NRIP1: variants seen among roughly 807,000 people sequenced by gnomAD.
NRIP1 encodes the protein nuclear receptor-interacting protein 1.
A neutral mutation model predicts 75.0 loss-of-function variants in NRIP1; 28 were observed. That is an observed-to-expected ratio of 0.37 (90% CI 0.28 to 0.51). NRIP1 has a LOEUF of 0.51. NRIP1 is among the 20% of genes least tolerant of loss of function. The pLI is 0.92. For missense variants in NRIP1, 1,435 were observed against 1,343.7 expected, an observed-to-expected ratio of 1.07 and a Z score of -1.06; for synonymous variants, 526 against 487.6, an observed-to-expected ratio of 1.08 and a Z score of -1.04.
At chr21:15,001,532 C>T (rs960619359) in intron 3 of NRIP1, among the ~76,000 whole-genome samples, 9 of 152,112 alleles carry the variant, frequency 5.9e-5, no homozygotes, top group African/African-American at 2.2e-4. Flanking sequence ...TTGTACACTA[C>T]AAGTCTCTAT....
rs1184432344 is a variant in NRIP1 at position 15,019,411 on chromosome 21, ATAAT to A, written c.-457-4949_-457-4946del. Among the ~76,000 whole-genome samples, 4 of 149,254 alleles carry A rather than the reference ATAAT, an allele frequency of 2.7e-5. No homozygotes were observed. In the South Asian group the frequency reaches 6.3e-4, roughly 23 times the overall value. ...CTAAGGACTCTACAAGAAACCCAAA[ATAAT>A]TAATAAAAAAAAGTTCAGAAAGGTT... On this transcript the variant is annotated intron_variant, in intron 2 of 3. Coordinates refer to ENST00000318948, the MANE Select transcript of NRIP1 (RefSeq NM_003489.4).
At chr21:15,024,888 A>G (rs1187828667) in intron 2 of NRIP1, among the ~76,000 whole-genome samples, 1 of 152,372 alleles carries the variant, frequency 6.6e-6, no homozygotes, top group South Asian at 2.1e-4. Flanking sequence ...GAAAGAATAC[A>G]CTAATGGTGA....
chr21:15,024,706 T>C (rs1437998405), intron 2 of NRIP1, among the ~76,000 whole-genome samples: 3 of 151,966 alleles, frequency 2.0e-5, no homozygotes, highest in African/African-American at 7.3e-5. Context: ...TTGGTGTCAC[T>C]GTGGAGTGGA....
intron 1 of NRIP1, among the ~76,000 whole-genome samples, chr21:15,047,474 A>G (rs1203609811): frequency 6.6e-6 from 1 of 152,220 alleles, no homozygotes. Flanking sequence ...CAGGAGGCGG[A>G]GCTTGCAGTG....
intron 2 of NRIP1, among the ~76,000 whole-genome samples, chr21:15,040,903 A>G (rs533705539): frequency 6.6e-6 from 1 of 152,242 alleles, no homozygotes; most frequent in South Asian, 2.1e-4. Context: ...CAAAAGACAC[A>G]CTGATTGACA....
intron 1 of NRIP1, among the ~76,000 whole-genome samples, chr21:15,052,671 C>CT (rs2089226903): frequency 1.3e-5 from 2 of 152,276 alleles, no homozygotes; most frequent in South Asian, 4.1e-4. Flanking sequence ...TCAAATACGT[C>CT]TTTTTTACAC....
intron 3 of NRIP1, among the ~76,000 whole-genome samples, chr21:14,983,166 A>G (rs2087293152): frequency 6.6e-6 from 1 of 152,138 alleles, no homozygotes; most frequent in Non-Finnish European, 1.5e-5. Flanking sequence ...AAGCCAAGAC[A>G]GGCCAAAAGC....
In NRIP1 at chr21:15,028,160, T is replaced by C. The variant is rs138308124; in HGVS notation, c.-457-13694A>G. ...GGTGCTTTTTTGGCATTTTATGTGA[T>C]GCACACGGATTGAAAATCTTAGCTA... On this transcript the variant is annotated intron_variant, in intron 2 of 3. Coordinates refer to ENST00000318948, the MANE Select transcript of NRIP1 (RefSeq NM_003489.4). Among the ~76,000 whole-genome samples, 5 of 152,358 alleles carry C rather than the reference T, an allele frequency of 3.3e-5. No individual in the cohort carries two copies. The East Asian group carries it at 5.8e-4, about 18-fold the overall frequency.
At position 14,962,994 on chromosome 21, in the gene NRIP1, C is replaced by T. The variant is rs1207717530; in HGVS notation, c.*1722G>A. 1.3e-5 allele frequency: 2 copies of T among 152,342 alleles called. No homozygotes were observed. 9.4% of individuals were successfully genotyped at this position (152,342 alleles called of 1,614,324 possible). A position where few individuals can be genotyped will look rare whatever the true frequency, so the allele number is the denominator to read the frequency against. The stretch of plus-strand genomic sequence containing the variant: ...TCTGGTGAATGAATTGTGGATTGTA[C>T]AAACTGAACATAAAAACAGACCTGT... On this transcript the variant is annotated 3_prime_UTR_variant, in exon 4 of 4. Transcript: ENST00000318948.
At chr21:15,054,995 A>G (rs2089276087) in intron 1 of NRIP1, among the ~76,000 whole-genome samples, 1 of 152,210 alleles carries the variant, frequency 6.6e-6, no homozygotes, top group African/African-American at 2.4e-5. Flanking sequence ...TGTTTCACCA[A>G]CATCAGGAAC....
intron 1 of NRIP1, among the ~76,000 whole-genome samples, 160 bp from the exon 2 acceptor site, chr21:15,043,734 T>G (rs1415842945): frequency 6.6e-6 from 1 of 152,226 alleles, no homozygotes; most frequent in African/African-American, 2.4e-5. Flanking sequence ...GATACATGCT[T>G]TCTTTGGACA....
At chr21:14,999,332 C>CCTTTCTTCA (rs2087800659) in intron 3 of NRIP1, among the ~76,000 whole-genome samples, 1 of 152,054 alleles carries the variant, frequency 6.6e-6, no homozygotes, top group African/African-American at 2.4e-5. Context: ...CTTCATAATA[C>CCTTTCTTCA]TAAATATGTT....
At chr21:15,017,907 G>A (rs774147881) in intron 2 of NRIP1, among the ~76,000 whole-genome samples, 1 of 152,090 alleles carries the variant, frequency 6.6e-6, no homozygotes, top group African/African-American at 2.4e-5. Flanking sequence ...CTCTCCTTCT[G>A]AGACAAATAT....
Position 14,966,399 on chromosome 21 carries a change from G to A in NRIP1, c.1794C>T (p.His598=), listed in dbSNP as rs762039286. Residue 598 remains histidine, a synonymous_variant, in exon 4 of 4, where the codon CAC becomes CAT. Transcript: ENST00000318948. ...SEKLTNTASN[H]SMDLTKSKDP... is the part of the protein sequence containing the mutation. ...CTTTGCTTTTTGTAAGGTCCATTGA[G>A]TGGTTAGATGCAGTATTTGTTAGCT... 1.9e-6 allele frequency: 3 copies of A among 1,614,088 alleles called. No individual in the cohort carries two copies. Among genetic ancestry groups the A allele is most frequent in the Admixed American group, 1.7e-5 (1 of 60,022 alleles).
intron 1 of NRIP1, among the ~76,000 whole-genome samples, chr21:15,058,075 A>G (rs536562662): frequency 1.3e-5 from 2 of 152,226 alleles, no homozygotes; most frequent in African/African-American, 2.4e-5. Flanking sequence ...ACTGCTGTAC[A>G]GTCAGAATTT....
intron 2 of NRIP1, among the ~76,000 whole-genome samples, chr21:15,030,139 C>T (rs990377467): frequency 2.0e-5 from 3 of 152,196 alleles, no homozygotes; most frequent in African/African-American, 7.2e-5. Flanking sequence ...AAATAGCCAT[C>T]TTTCAACCAT....
intron 3 of NRIP1, among the ~76,000 whole-genome samples, chr21:15,003,358 T>C (rs943691100): frequency 1.3e-5 from 2 of 152,184 alleles, no homozygotes; most frequent in Non-Finnish European, 2.9e-5. Context: ...CTAAAATACA[T>C]GTGTCTCATT....
intron 1 of NRIP1, among the ~76,000 whole-genome samples, chr21:15,054,431 G>A (rs1600934984): frequency 3.9e-5 from 6 of 152,028 alleles, no homozygotes; most frequent in South Asian, 4.1e-4. Flanking sequence ...TATAATTTGC[G>A]TATTACTGAA....
At chr21:14,987,600 G>C (rs1194711908) in intron 3 of NRIP1, among the ~76,000 whole-genome samples, 1 of 152,188 alleles carries the variant, frequency 6.6e-6, no homozygotes, top group Non-Finnish European at 1.5e-5. Flanking sequence ...CTGCAGAGAT[G>C]CAATTCTTTA....
Sources: gnomAD v4.1 joint callset for allele counts (sites outside exome capture counted in the v4.1 genomes callset) on GRCh38, gnomAD v4.1.1 for gene constraint, MANE v1.5 for transcripts, NCBI Gene and HGNC (gene_info 2026-07-23, HGNC 2026-07-21) for gene names.